The following LRRC31 variants were observed in gnomAD, a reference collection of about 807,000 sequenced individuals.
The protein encoded by LRRC31 is leucine-rich repeat-containing protein 31.
Under a neutral mutation model 46.7 loss-of-function variants are expected in LRRC31, and 35 were observed. The ratio of observed to expected loss-of-function variants is 0.75; its 90% CI spans 0.57 to 0.99. The LOEUF is 0.99. Ranked by LOEUF, LRRC31 falls within the 50% of genes least tolerant of loss-of-function variation. LRRC31 has a pLI of 0.00. For synonymous variants in LRRC31, 236 were observed against 235.1 expected (o/e 1.00, Z -0.03); for missense variants, 613 against 626.1 (o/e 0.98, Z 0.22).
At chr3:169,864,613 G>C (rs1255414172) in intron 1 of LRRC31, among the ~76,000 whole-genome samples, 2 of 152,172 alleles carry the variant, frequency 1.3e-5, no homozygotes, top group Non-Finnish European at 2.9e-5. Flanking sequence ...GTAAATATTT[G>C]TTAAATGAGC....
Position 169,847,986 on chromosome 3 carries a change from T to C in LRRC31, c.1327+134A>G, listed in dbSNP as rs190061841. 3.7e-4 allele frequency: 280 copies of C among 766,384 alleles called. No homozygotes were observed. In the African/African-American group the frequency reaches 4.6e-3, roughly 13 times the overall value. 47.5% of individuals were successfully genotyped at this position (766,384 alleles called of 1,614,324 possible). A position where few individuals can be genotyped will look rare whatever the true frequency, so the allele number is the denominator to read the frequency against. Reference sequence around the variant, plus strand: ...TTTAATTAGACCTCTCGGCAGATGTTGGTGAGAAGGGAATCTGCACAGAGG... The same window carrying C: ...TTTAATTAGACCTCTCGGCAGATGTCGGTGAGAAGGGAATCTGCACAGAGG... On this transcript the variant is annotated intron_variant, in intron 8 of 8. Transcript: ENST00000316428.
chr3:169,846,688 TG>T (rs1377018380), intron 8 of LRRC31, among the ~76,000 whole-genome samples: 2 of 151,784 alleles, frequency 1.3e-5, no homozygotes, highest in Non-Finnish European at 2.9e-5. Flanking sequence ...ACACACCTCA[TG>T]AGGACAACAA....
chr3:169,848,338 C>T, intron 7 of LRRC31, 51 bp from the exon 8 acceptor site: 1 of 1,559,232 alleles, frequency 6.4e-7, no homozygotes, highest in Non-Finnish European at 8.8e-7. Context: ...TCTTACAGAT[C>T]ATAGGCTTTG....
chr3:169,853,339 C>A, intron 6 of LRRC31: 1 of 985,388 alleles, frequency 1.0e-6, no homozygotes, highest in South Asian at 4.7e-5. Flanking sequence ...TCATTTCCAT[C>A]TTTTCAGAAT....
chr3:169,848,388 C>G (rs951993559), intron 7 of LRRC31, 101 bp from the exon 8 acceptor site: 2 of 1,060,996 alleles, frequency 1.9e-6, no homozygotes, highest in African/African-American at 3.2e-5. Context: ...ATGAATATAA[C>G]TGGGGTTGAG....
chr3:169,858,849 C>T (rs1781051945), intron 3 of LRRC31, among the ~76,000 whole-genome samples: 1 of 151,640 alleles, frequency 6.6e-6, no homozygotes, highest in Non-Finnish European at 1.5e-5. Flanking sequence ...ACTAAAAATA[C>T]AAAAAAATTA....
chr3:169,860,447 C>A, intron 3 of LRRC31, 114 bp downstream of exon 3: 1 of 1,085,564 alleles, frequency 9.2e-7, no homozygotes. Flanking sequence ...AGGCTGTTCT[C>A]GAACTCCTGA....
In LRRC31 at chr3:169,861,709, T is replaced by A; in HGVS notation, c.280A>T (p.Asn94Tyr). 3 of 1,614,150 alleles carry A rather than the reference T, an allele frequency of 1.9e-6. No individual in the cohort carries two copies. The highest frequency in any genetic ancestry group is 2.5e-6 in the Non-Finnish European group (3 of 1,180,016). ...TCCGCTGTTGTTAATCCACAGTTATTCAAATCTAGACACTTGTTGACAGCC... is the reference window on the plus strand; with the variant it reads ...TCCGCTGTTGTTAATCCACAGTTATACAAATCTAGACACTTGTTGACAGCC... ...KKAVNKCLDLNNCGLTTADMK... is the reference protein window; with the variant it reads ...KKAVNKCLDLYNCGLTTADMK... Residue 94 changes from asparagine to tyrosine, a missense_variant, in exon 2 of 9, where the codon AAT (asparagine) becomes TAT (tyrosine). By Grantham distance (143) the Asn-to-Tyr change is moderately radical. Transcript: ENST00000316428.
chr3:169,863,347 G>C (rs1781232172), intron 1 of LRRC31, among the ~76,000 whole-genome samples: 1 of 152,144 alleles, frequency 6.6e-6, no homozygotes, highest in Non-Finnish European at 1.5e-5. Context: ...ATAAGTTCTG[G>C]AATGAGCAGT....
intron 3 of LRRC31, among the ~76,000 whole-genome samples, chr3:169,859,912 G>GT (rs1781094109): frequency 6.6e-6 from 1 of 152,042 alleles, no homozygotes; most frequent in South Asian, 2.1e-4. Flanking sequence ...GGAGGCCAAG[G>GT]TGAGTGGATT....
At chr3:169,844,716 G>A (rs1256425039) in intron 8 of LRRC31, among the ~76,000 whole-genome samples, 1 of 152,070 alleles carries the variant, frequency 6.6e-6, no homozygotes, top group African/African-American at 2.4e-5. Flanking sequence ...GGCAGATCAC[G>A]AGGTCAGGAG....
intron 6 of LRRC31, among the ~76,000 whole-genome samples, 197 bp from the exon 7 acceptor site, chr3:169,851,983 G>A (rs1309241810): frequency 6.6e-6 from 1 of 151,826 alleles, no homozygotes; most frequent in African/African-American, 2.4e-5. Flanking sequence ...CCCTTTTCAG[G>A]CTAGAAGAGC....
intron 1 of LRRC31, among the ~76,000 whole-genome samples, chr3:169,864,904 C>G (rs1781283710): frequency 6.6e-6 from 1 of 152,090 alleles, no homozygotes; most frequent in Non-Finnish European, 1.5e-5. Context: ...TGGCAAAACA[C>G]CGTCTCTATT....
intron 1 of LRRC31, among the ~76,000 whole-genome samples, chr3:169,864,144 C>A (rs1781256966): frequency 6.6e-6 from 1 of 152,140 alleles, no homozygotes; most frequent in Admixed American, 6.6e-5. Context: ...CCACCAAACC[C>A]ACTCTTCTGT....
At chr3:169,868,178 C>G (rs765937194) in intron 1 of LRRC31, among the ~76,000 whole-genome samples, 26 of 152,192 alleles carry the variant, frequency 1.7e-4, no homozygotes, top group Non-Finnish European at 3.1e-4. Flanking sequence ...TCCACTACCC[C>G]TTCCTCTCCA....
At chr3:169,859,006 CAA>C (rs1252945211) in intron 3 of LRRC31, among the ~76,000 whole-genome samples, 5 of 6,550 alleles carry the variant, frequency 7.6e-4, no homozygotes, top group African/African-American at 2.9e-3. Context: ...AACGCCATCT[CAA>C]AAAAAAAAAG....
In LRRC31 at chr3:169,857,343, TATAC is replaced by T. The variant is rs1172204754; in HGVS notation, c.488-475_488-472del. Among the ~76,000 whole-genome samples, 176 of 102,418 alleles carry T rather than the reference TATAC, an allele frequency of 1.7e-3. 4 individuals carry two copies. Among genetic ancestry groups the T allele is most frequent in the South Asian group, 0.017 (43 of 2,544 alleles). 67.2% of individuals were successfully genotyped at this position (102,418 alleles called of 152,430 possible). On this transcript the variant is annotated intron_variant, in intron 3 of 8. Transcript: ENST00000316428. Reference sequence around the variant, plus strand: ...CTATATATATATATATATATATATATATACACACACACACACACACACACACAAG... The same window carrying T: ...CTATATATATATATATATATATATATACACACACACACACACACACACAAG...
chr3:169,860,134 C>G (rs537894705), intron 3 of LRRC31, among the ~76,000 whole-genome samples: 93 of 151,516 alleles, frequency 6.1e-4, no homozygotes, highest in Non-Finnish European at 1.1e-3. Flanking sequence ...ACAGAGTGAG[C>G]CTCCATCTCA....
chr3:169,864,249 A>G (rs1249524666), intron 1 of LRRC31, among the ~76,000 whole-genome samples: 3 of 152,060 alleles, frequency 2.0e-5, no homozygotes, highest in African/African-American at 7.2e-5. Flanking sequence ...CCTTCCCCAC[A>G]TTTACAAGCT....
Sources: allele counts gnomAD v4.1 joint callset (sites outside exome capture counted in the v4.1 genomes callset), GRCh38; gene constraint gnomAD v4.1.1; transcripts MANE v1.5; gene names NCBI Gene and HGNC (gene_info 2026-07-23, HGNC 2026-07-21).